PDZD2: variants seen among roughly 807,000 people sequenced by gnomAD.
PDZD2 encodes the protein PDZ domain containing 2.
Under a neutral mutation model 220.7 loss-of-function variants are expected in PDZD2, and 90 were observed. That is an observed-to-expected ratio of 0.41 (90% CI 0.34 to 0.49). PDZD2 has a LOEUF of 0.49. Among genes scored for constraint, PDZD2 ranks in the 20% least tolerant of loss-of-function variants. The pLI is 0.28. For synonymous variants in PDZD2, 1,375 were observed against 1,450.5 expected (o/e 0.95, Z 1.18); for missense variants, 3,174 against 3,608.5 (o/e 0.88, Z 3.08).
In PDZD2 at chr5:32,089,668, A is replaced by C; in HGVS notation, c.6220A>C (p.Lys2074Gln). The C allele has an allele frequency of 6.2e-7, 1 of 1,614,178 alleles. No homozygotes were observed. Among genetic ancestry groups the C allele is most frequent in the Non-Finnish European group, 8.5e-7 (1 of 1,180,040 alleles). Residue 2074 changes from lysine (K) to glutamine (Q), a missense_variant, in exon 20 of 25, where the codon AAA becomes CAA. Lys to Gln is a moderately conservative substitution (Grantham distance 53, BLOSUM62 1). Around this residue, in one of 4 missense-constraint regions of PDZD2, gnomAD observed 1,861 missense variants for 2,001.0 expected, o/e 0.93. Coordinates refer to ENST00000438447, the MANE Select transcript of PDZD2 (RefSeq NM_178140.4). The stretch of plus-strand genomic sequence containing the variant: ...AGCCCAACCCAGGCCGACTGGCGAA[A>C]AAGGAGGCAACATAATGGCCAGCGA... ...DTAQPRPTGE[K>Q]GGNIMASDRL...
At chr5:31,851,593 T>C (rs749920461) in intron 2 of PDZD2, among the ~76,000 whole-genome samples, 1 of 152,186 alleles carries the variant, frequency 6.6e-6, no homozygotes, top group Non-Finnish European at 1.5e-5. Context: ...GTATCAGCAG[T>C]TCCCACTCAA....
intron 2 of PDZD2, among the ~76,000 whole-genome samples, chr5:31,936,960 A>C (rs1029215214): frequency 6.6e-6 from 1 of 152,140 alleles, no homozygotes; most frequent in African/African-American, 2.4e-5. Context: ...TTTGTCATGG[A>C]GTGGGGGGAG....
intron 2 of PDZD2, chr5:31,855,093 G>T: frequency 1.0e-6 from 1 of 985,374 alleles, no homozygotes; most frequent in South Asian, 4.7e-5. Context: ...CGGATTACCC[G>T]GCGCCCAGCT....
intron 2 of PDZD2, among the ~76,000 whole-genome samples, chr5:31,816,287 C>CAAAAAAAAAA (rs34233316): frequency 1.0e-5 from 1 of 99,140 alleles, no homozygotes; most frequent in African/African-American, 4.2e-5. Context: ...GACTCCATCT[C>CAAAAAAAAAA]AAAAAAAAAA....
Position 32,000,380 on chromosome 5 carries a change from G to A in PDZD2, c.1254+109G>A, listed in dbSNP as rs190880709. On this transcript the variant is annotated intron_variant, in intron 5 of 24. Transcript: ENST00000438447. This position sits in a 1 kb window ranked among gnomAD's most constrained non-coding sequence, Gnocchi z 4.5. ...CACAAAGACATGTGTGCACTTGTAC[G>A]TTTGCCTTGGGCTATTGAAACAGCC... 8.9e-5 allele frequency: 104 copies of A among 1,162,824 alleles called. 1 individual carries two copies. The East Asian group carries it at 1.3e-3, about 14-fold the overall frequency. 72.0% of individuals were successfully genotyped at this position (1,162,824 alleles called of 1,614,324 possible).
At chr5:31,725,947 G>T in intron 1 of PDZD2, 4 of 638,226 alleles carry the variant, frequency 6.3e-6, no homozygotes, top group South Asian at 5.3e-5. Flanking sequence ...ACTCTCTGCC[G>T]CATGCGTAAC....
At chr5:31,782,881 T>C (rs1338632233) in intron 1 of PDZD2, among the ~76,000 whole-genome samples, 1 of 151,488 alleles carries the variant, frequency 6.6e-6, no homozygotes, top group East Asian at 1.9e-4. Flanking sequence ...ACCCGGGTAA[T>C]TTTTGTATTT....
chr5:31,860,605 G>T (rs1737606165), intron 2 of PDZD2, among the ~76,000 whole-genome samples: 2 of 152,116 alleles, frequency 1.3e-5, no homozygotes, highest in South Asian at 4.1e-4. Flanking sequence ...TCCTTCTGTT[G>T]CAGGTGCCCA....
At chr5:31,936,420 T>C (rs1745730668) in intron 2 of PDZD2, 2 of 786,554 alleles carry the variant, frequency 2.5e-6, no homozygotes, top group Non-Finnish European at 3.1e-6. Flanking sequence ...CTTCCAAGGG[T>C]TTATTATTTT....
intron 1 of PDZD2, among the ~76,000 whole-genome samples, chr5:31,744,767 G>A (rs1323648282): frequency 2.0e-5 from 3 of 152,252 alleles, no homozygotes; most frequent in Non-Finnish European, 2.9e-5. Context: ...TTTTCCCTCT[G>A]CTAGGATAAG....
chr5:31,652,944 G>A (rs1253006923), intron 1 of PDZD2, among the ~76,000 whole-genome samples: 4 of 152,086 alleles, frequency 2.6e-5, no homozygotes, highest in African/African-American at 4.8e-5. Context: ...CCTGGGAGGC[G>A]GAGGTTTCAG....
At chr5:31,648,383 T>A (rs140793663) in intron 1 of PDZD2, among the ~76,000 whole-genome samples, 213 of 152,174 alleles carry the variant, frequency 1.4e-3, no homozygotes, top group Non-Finnish European at 2.0e-3. Context: ...CCTCCTCCCG[T>A]CTCAGTAAAT....
chr5:31,866,218 C>T (rs892785108), intron 2 of PDZD2, among the ~76,000 whole-genome samples: 6 of 151,848 alleles, frequency 4.0e-5, no homozygotes, highest in Admixed American at 6.6e-5. Context: ...AGGCTTGTTT[C>T]GAACTCCTGA....
At chr5:31,802,354 G>A (rs1016900737) in intron 2 of PDZD2, among the ~76,000 whole-genome samples, 2 of 152,260 alleles carry the variant, frequency 1.3e-5, no homozygotes, top group African/African-American at 4.8e-5. Flanking sequence ...CTGGGATGCC[G>A]CAGTGATAAC....
At chr5:31,725,519 G>A in intron 1 of PDZD2, 1 of 1,320,056 alleles carries the variant, frequency 7.6e-7, no homozygotes. Flanking sequence ...AATGATCATG[G>A]TTTATACTAC....
At chr5:31,850,226 GTATA>G (rs752884909) in intron 2 of PDZD2, among the ~76,000 whole-genome samples, 1 of 101,208 alleles carries the variant, frequency 9.9e-6, no homozygotes. Flanking sequence ...ATATATATAA[GTATA>G]TATATATATA....
At chr5:31,888,965 C>T (rs531053792) in intron 2 of PDZD2, among the ~76,000 whole-genome samples, 21 of 152,130 alleles carry the variant, frequency 1.4e-4, no homozygotes, top group Non-Finnish European at 2.6e-4. Context: ...TTAGACCAAC[C>T]TCCGTCGGCT....
At chr5:31,991,029 G>A (rs1346031486) in intron 3 of PDZD2, among the ~76,000 whole-genome samples, 3 of 152,210 alleles carry the variant, frequency 2.0e-5, no homozygotes, top group Non-Finnish European at 4.4e-5. Context: ...CCTCAGGCAG[G>A]AATGACAGAG....
chr5:31,954,319 T>C (rs952395725), intron 2 of PDZD2, among the ~76,000 whole-genome samples: 2 of 152,214 alleles, frequency 1.3e-5, no homozygotes, highest in East Asian at 3.8e-4. Flanking sequence ...TCATAAATTA[T>C]AGAAGCTATT....
Sources: gnomAD v4.1 joint callset for allele counts (sites outside exome capture counted in the v4.1 genomes callset) on GRCh38, gnomAD v4.1.1 for gene constraint, gnomAD v4.1.1 regional missense constraint, Gnocchi (gnomAD v3.1) non-coding constraint, MANE v1.5 for transcripts, NCBI Gene and HGNC (gene_info 2026-07-23, HGNC 2026-07-21) for gene names.